PTP4A1: variants seen among roughly 807,000 people sequenced by gnomAD.
The protein encoded by PTP4A1 is protein tyrosine phosphatase type IVA 1.
A neutral mutation model predicts 20.5 loss-of-function variants in PTP4A1; 9 were observed. The ratio of observed to expected loss-of-function variants is 0.44; its 90% CI spans 0.26 to 0.77. The LOEUF (loss-of-function observed/expected upper bound fraction) is 0.77, where lower values mean the gene tolerates loss of function less well. Among genes scored for constraint, PTP4A1 ranks in the 30% least tolerant of loss-of-function variants. The probability of loss-of-function intolerance (pLI) is 0.19; values close to 1 mark genes in which losing one functional copy is unlikely to be tolerated. For missense variants in PTP4A1, 137 were observed against 218.8 expected, an observed-to-expected ratio of 0.63 and a Z score of 2.36; for synonymous variants, 78 against 67.4, an observed-to-expected ratio of 1.16 and a Z score of -0.77.
Position 63,572,481 on chromosome 6 carries a change from C to A in PTP4A1, c.-684C>A. 1 of 389,180 alleles carries A rather than the reference C, an allele frequency of 2.6e-6. No individual in the cohort carries two copies. The highest frequency in any genetic ancestry group is 4.5e-6 in the Non-Finnish European group (1 of 219,990). The allele number at this position is 389,180 out of a possible 1,614,324, so 24.1% of individuals were successfully genotyped here. On this transcript the variant is annotated 5_prime_UTR_variant, in exon 1 of 6. Transcript: ENST00000626021. ...GGGGAGGGCTTGTGACGCAAGGGCG[C>A]CTCGGCGCGTGTATTGGCTCCTTCG...
At chr6:63,520,178 TTAACTTC>T (rs543463519), upstream of PTP4A1, among the ~76,000 whole-genome samples, 5 of 152,366 alleles carry the variant, frequency 3.3e-5, no homozygotes, top group South Asian at 6.2e-4. Context: ...CATCCTTTTT[TTAACTTC>T]AGTCTTCATT....
chr6:63,547,462 T>C (rs1776241468), intron 2 of PTP4A1, among the ~76,000 whole-genome samples: 1 of 151,462 alleles, frequency 6.6e-6, no homozygotes, highest in Non-Finnish European at 1.5e-5. Flanking sequence ...AGTGCTGGGA[T>C]TACAGGCGTC....
chr6:63,529,013 TG>T (rs1562112273), intron 2 of PTP4A1, among the ~76,000 whole-genome samples: 3 of 144,702 alleles, frequency 2.1e-5, no homozygotes, highest in African/African-American at 7.8e-5. Flanking sequence ...CACTTGAATC[TG>T]GGAGGCAGAG....
chr6:63,535,571 A>T (rs1340633608), intron 2 of PTP4A1, among the ~76,000 whole-genome samples: 1 of 152,246 alleles, frequency 6.6e-6, no homozygotes, highest in Non-Finnish European at 1.5e-5. Flanking sequence ...CCAGTTGTAC[A>T]TATGTGTCAT....
intron 3 of PTP4A1, among the ~76,000 whole-genome samples, chr6:63,559,876 C>T (rs1438326349): frequency 6.6e-6 from 1 of 152,180 alleles, no homozygotes; most frequent in Non-Finnish European, 1.5e-5. Flanking sequence ...ATCCTCCTGC[C>T]TTGGCCTCCC....
intron 2 of PTP4A1, among the ~76,000 whole-genome samples, chr6:63,533,566 A>G (rs1775568724): frequency 1.3e-5 from 2 of 152,162 alleles, no homozygotes; most frequent in South Asian, 4.1e-4. Context: ...GCGTTGTTTA[A>G]TCTTGAATAC....
At chr6:63,556,284 G>A (rs1237552487) in intron 3 of PTP4A1, among the ~76,000 whole-genome samples, 1 of 151,890 alleles carries the variant, frequency 6.6e-6, no homozygotes, top group African/African-American at 2.4e-5. Context: ...TCAGCCTCCA[G>A]AGTAGCTAGG....
At position 63,581,162 on chromosome 6, in the gene PTP4A1, CCT is replaced by C. The variant is rs1274926067; in HGVS notation, c.*993_*994del. ...GTGTGATTTTTTTTTTCCTTCCCAA[CCT>C]CTCTTGCAAAAAAAGAAATGGGTTT... On this transcript the variant is annotated 3_prime_UTR_variant, in exon 6 of 6. Transcript: ENST00000626021. 1 of 151,824 alleles carries C rather than the reference CCT, an allele frequency of 6.6e-6. No individual in the cohort carries two copies. Among genetic ancestry groups the C allele is most frequent in the Admixed American group, 6.6e-5 (1 of 15,208 alleles). The allele number at this position is 151,824 out of a possible 1,614,324, so 9.4% of individuals were successfully genotyped here. A position where few individuals can be genotyped will look rare whatever the true frequency, so the allele number is the denominator to read the frequency against.
chr6:63,580,912 A>C lies in PTP4A1; in HGVS notation c.*738A>C, dbSNP rs1778188703. ...ATGTTTGCACTCTGAGGTGCAACTT[A>C]ACAGGGAGGGCCTGAGAAAAGAATG... On this transcript the variant is annotated 3_prime_UTR_variant, in exon 6 of 6. Transcript: ENST00000626021. 6.6e-6 allele frequency: 1 copy of C among 152,594 alleles called. No homozygotes were observed. The highest frequency in any genetic ancestry group is 1.5e-5 in the Non-Finnish European group (1 of 68,008). 9.5% of individuals were successfully genotyped at this position (152,594 alleles called of 1,614,324 possible).
upstream of PTP4A1, among the ~76,000 whole-genome samples, chr6:63,568,507 T>C (rs1777281738): frequency 6.6e-6 from 1 of 152,124 alleles, no homozygotes; most frequent in South Asian, 2.1e-4. Context: ...GTTCACAAAT[T>C]GCCATAACAA....
At chr6:63,574,457 G>GC (rs1777718215) in intron 1 of PTP4A1, among the ~76,000 whole-genome samples, 1 of 152,090 alleles carries the variant, frequency 6.6e-6, no homozygotes, top group African/African-American at 2.4e-5. Flanking sequence ...TCTATCGGTG[G>GC]CCACCACTGC....
chr6:63,557,996 TCTC>T (rs1776763002), intron 3 of PTP4A1, among the ~76,000 whole-genome samples: 2 of 151,836 alleles, frequency 1.3e-5, no homozygotes, highest in Non-Finnish European at 2.9e-5. Context: ...TTCAAGCAAT[TCTC>T]CTGCTGTGAC....
rs1778316085 is a variant in PTP4A1 at position 63,582,722 on chromosome 6, G to A, written c.*2548G>A. Reference sequence around the variant, plus strand: ...AAGTAATGCGGTTACTGAATCATAAGAAAATGCCATCTCTTTTTAGTTGAA... The same window carrying A: ...AAGTAATGCGGTTACTGAATCATAAAAAAATGCCATCTCTTTTTAGTTGAA... On this transcript the variant is annotated 3_prime_UTR_variant, in exon 6 of 6. Coordinates refer to ENST00000626021, the MANE Select transcript of PTP4A1 (RefSeq NM_003463.5). 6.6e-6 allele frequency: 1 copy of A among 152,182 alleles called. No homozygotes were observed. 9.4% of individuals were successfully genotyped at this position (152,182 alleles called of 1,614,324 possible).
chr6:63,565,447 T>TA (rs988717752), intron 3 of PTP4A1, among the ~76,000 whole-genome samples: 2 of 149,140 alleles, frequency 1.3e-5, no homozygotes, highest in Admixed American at 6.7e-5. Flanking sequence ...AAATAGACTT[T>TA]AAAAAAAAAA....
chr6:63,524,852 C>G (rs746234355), intron 1 of PTP4A1, among the ~76,000 whole-genome samples: 1 of 152,012 alleles, frequency 6.6e-6, no homozygotes, highest in Non-Finnish European at 1.5e-5. Flanking sequence ...TATGTGAATG[C>G]GAGATGTGGC....
chr6:63,521,190 T>G (rs1350193304), upstream of PTP4A1, among the ~76,000 whole-genome samples: 1 of 151,534 alleles, frequency 6.6e-6, no homozygotes, highest in Non-Finnish European at 1.5e-5. Flanking sequence ...GTAACAAACC[T>G]GAGCATTCAG....
At chr6:63,523,431 G>A (rs1775024201) in intron 1 of PTP4A1, among the ~76,000 whole-genome samples, 1 of 152,024 alleles carries the variant, frequency 6.6e-6, no homozygotes, top group Non-Finnish European at 1.5e-5. Flanking sequence ...CTACTCGGGA[G>A]GTTTGAACCC....
At chr6:63,579,145 TTAAA>T in intron 4 of PTP4A1, 108 bp from the exon 5 acceptor site, 1 of 1,378,876 alleles carries the variant, frequency 7.3e-7, no homozygotes, top group South Asian at 1.5e-5. Flanking sequence ...TAGGTATTAC[TTAAA>T]TAGGAAGGGT....
intron 2 of PTP4A1, among the ~76,000 whole-genome samples, chr6:63,533,969 G>C (rs150342592): frequency 2.0e-5 from 3 of 151,880 alleles, no homozygotes; most frequent in East Asian, 1.9e-4. Context: ...TCAGCCTCCC[G>C]AGTAGCTGGA....
Sources: allele counts gnomAD v4.1 joint callset (sites outside exome capture counted in the v4.1 genomes callset), GRCh38; gene constraint gnomAD v4.1.1; transcripts MANE v1.5; gene names NCBI Gene and HGNC (gene_info 2026-07-23, HGNC 2026-07-21).